BPI: variants seen among roughly 807,000 people sequenced by gnomAD.
The protein encoded by BPI is bactericidal permeability-increasing protein.
In BPI, 48 loss-of-function variants were observed where a neutral mutation model predicts 57.6. That is an observed-to-expected ratio of 0.83 (90% CI 0.66 to 1.06). BPI has a LOEUF of 1.06. Among genes scored for constraint, BPI ranks in the 50% least tolerant of loss-of-function variants. The pLI is 0.00. For synonymous variants in BPI, 237 were observed against 238.2 expected, an observed-to-expected ratio of 0.99 and a Z score of 0.05; for missense variants, 651 against 609.7, an observed-to-expected ratio of 1.07 and a Z score of -0.71.
At chr20:38,324,645 T>G in intron 8 of BPI, 129 bp from the exon 9 acceptor site, 1 of 751,862 alleles carries the variant, frequency 1.3e-6, no homozygotes, top group Non-Finnish European at 2.3e-6. Context: ...GGGTCAGTGC[T>G]CTGTTGTCAC....
chr20:38,330,943 A>G (rs1600713382), intron 11 of BPI, 105 bp from the exon 12 acceptor site: 1 of 1,366,752 alleles, frequency 7.3e-7, no homozygotes. Context: ...ACTGGGTGGG[A>G]AAACCAGACA....
chr20:38,335,541 C>A (rs1329638088), intron 13 of BPI, 57 bp from the exon 14 acceptor site: 5 of 1,524,964 alleles, frequency 3.3e-6, no homozygotes, highest in Non-Finnish European at 4.5e-6. Context: ...GGCCCTCCCT[C>A]CTCCCCTGCC....
chr20:38,312,408 G>C (rs6064376), intron 5 of BPI, among the ~76,000 whole-genome samples: 1 of 152,084 alleles, frequency 6.6e-6, no homozygotes, highest in Non-Finnish European at 1.5e-5. Context: ...TACAAGAGAC[G>C]GGTATCAGCC....
rs1208888947 is a variant in BPI, at chr20:38,337,244, C to T, written c.*60C>T. On this transcript the variant is annotated 3_prime_UTR_variant, in exon 15 of 15. Coordinates refer to ENST00000642449, the MANE Select transcript of BPI (RefSeq NM_001725.3). ...CTGTTCCTGATGGGCTGTGGGGCAC[C>T]GGCTGCCTTTCCCCAGGGAATCCTC... 1.0e-5 allele frequency: 15 copies of T among 1,445,030 alleles called. No individual in the cohort carries two copies. The highest frequency in any genetic ancestry group is 1.8e-4 in the Middle Eastern group (1 of 5,584). The allele number at this position is 1,445,030 out of a possible 1,614,324, so 89.5% of individuals were successfully genotyped here. A position where few individuals can be genotyped will look rare whatever the true frequency, so the allele number is the denominator to read the frequency against.
chr20:38,336,992 G>A (rs573385566), intron 14 of BPI, among the ~76,000 whole-genome samples, 154 bp from the exon 15 acceptor site: 8 of 91,206 alleles, frequency 8.8e-5, no homozygotes, highest in Middle Eastern at 5.6e-3. Context: ...GTGTAGATCC[G>A]GGCAGCGAAA....
chr20:38,327,705 T>C, intron 11 of BPI, 50 bp downstream of exon 11: 2 of 1,590,150 alleles, frequency 1.3e-6, no homozygotes, highest in Non-Finnish European at 1.7e-6. Context: ...GTCCTTGGTG[T>C]CTGTGGGATG....
In BPI at chr20:38,335,578, A is replaced by G. The variant is rs573816324; in HGVS notation, c.1337-20A>G. ...TTCTCTTTCTTTTCTCCTGGTCCTC[A>G]CCATCGGTCTCTGTCACAGAGAAAC... On this transcript the variant is annotated intron_variant, in intron 13 of 14. Coordinates refer to ENST00000642449, the MANE Select transcript of BPI (RefSeq NM_001725.3). The G allele has an allele frequency of 8.1e-6, 13 of 1,609,030 alleles. No homozygotes were observed. In the South Asian group the frequency reaches 1.4e-4, roughly 18 times the overall value.
chr20:38,308,575 T>G (rs2076607299), intron 2 of BPI, among the ~76,000 whole-genome samples: 1 of 152,188 alleles, frequency 6.6e-6, no homozygotes, highest in South Asian at 2.1e-4. Context: ...GAGCTTCCAG[T>G]GAAAGGGCCT....
chr20:38,304,465 C>A (rs1392115346), intron 1 of BPI, 112 bp downstream of exon 1: 2 of 1,408,708 alleles, frequency 1.4e-6, no homozygotes, highest in South Asian at 1.3e-5. Flanking sequence ...CACCTCAGGG[C>A]AGGTCCCCTT....
intron 2 of BPI, among the ~76,000 whole-genome samples, chr20:38,308,315 G>T (rs1342321924): frequency 6.6e-6 from 1 of 152,210 alleles, no homozygotes; most frequent in Non-Finnish European, 1.5e-5. Context: ...CCCCGAAGAT[G>T]GACGTGAGGT....
At chr20:38,320,327 C>T (rs2076674905) in intron 7 of BPI, 53 bp downstream of exon 7, 1 of 1,510,386 alleles carries the variant, frequency 6.6e-7, no homozygotes, top group Non-Finnish European at 9.1e-7. Flanking sequence ...TCAGACACTC[C>T]AGGGCTCCCC....
chr20:38,324,736 A>T lies in BPI; in HGVS notation c.934-38A>T, dbSNP rs5743518. ...TCACCCCCTCTGCTCCGTCTGTAACAGCATCCTCCGAGATCCTTTTCTCAT... is the reference window on the plus strand; with the variant it reads ...TCACCCCCTCTGCTCCGTCTGTAACTGCATCCTCCGAGATCCTTTTCTCAT... On this transcript the variant is annotated intron_variant, in intron 8 of 14. Coordinates refer to ENST00000642449, the MANE Select transcript of BPI (RefSeq NM_001725.3). 2.4e-3 allele frequency: 3,766 copies of T among 1,554,080 alleles called. 79 individuals are homozygous for T. In the African/African-American group the frequency reaches 0.047, roughly 19 times the overall value.
At chr20:38,334,613 T>G (rs1475763369) in intron 13 of BPI, 120 bp downstream of exon 13, 1 of 997,364 alleles carries the variant, frequency 1.0e-6, no homozygotes. Flanking sequence ...TGATGTCAAG[T>G]GAACTTCAAA....
chr20:38,337,306 C>T lies in BPI; in HGVS notation c.*122C>T, dbSNP rs933929145. The T allele has an allele frequency of 7.3e-5, 57 of 783,586 alleles. No individual in the cohort carries two copies. The African/African-American group carries it at 8.4e-4, about 12-fold the overall frequency. 48.5% of individuals were successfully genotyped at this position (783,586 alleles called of 1,614,324 possible). A position where few individuals can be genotyped will look rare whatever the true frequency, so the allele number is the denominator to read the frequency against. On this transcript the variant is annotated 3_prime_UTR_variant, in exon 15 of 15. Coordinates refer to ENST00000642449, the MANE Select transcript of BPI (RefSeq NM_001725.3). ...ACCAAGAGCCCCTTGCAAACTTCTTCGACTCAGATTCAGAAATGATCTAAA... is the reference window on the plus strand; with the variant it reads ...ACCAAGAGCCCCTTGCAAACTTCTTTGACTCAGATTCAGAAATGATCTAAA...
At chr20:38,314,926 A>T (rs1362687804) in intron 5 of BPI, among the ~76,000 whole-genome samples, 3 of 150,850 alleles carry the variant, frequency 2.0e-5, no homozygotes, top group Non-Finnish European at 4.4e-5. Context: ...TGGTAAGTAT[A>T]CACCGATTTA....
intron 11 of BPI, among the ~76,000 whole-genome samples, chr20:38,329,944 T>C (rs2076734221): frequency 6.6e-6 from 1 of 152,144 alleles, no homozygotes; most frequent in Admixed American, 6.5e-5. Context: ...ACTCCTGACT[T>C]CAAGTGATCT....
At chr20:38,327,513 AC>A in intron 10 of BPI, 74 bp from the exon 11 acceptor site, 1 of 1,540,634 alleles carries the variant, frequency 6.5e-7, no homozygotes, top group Non-Finnish European at 8.9e-7. Flanking sequence ...TGTGAAGCTG[AC>A]CCTTCTTGGT....
intron 5 of BPI, chr20:38,317,569 C>T (rs930689585): frequency 2.9e-6 from 2 of 699,364 alleles, no homozygotes; most frequent in African/African-American, 3.5e-5. Context: ...TTCTGCACAG[C>T]CTTTTATGAC....
In BPI at chr20:38,324,046, G is replaced by C. The variant is rs1372059782; in HGVS notation, c.933G>C (p.Met311Ile). Residue 311 changes from methionine (M) to isoleucine (I), a missense_variant and splice_region_variant, in exon 8 of 15, where the codon ATG becomes ATC. Coordinates refer to ENST00000642449, the MANE Select transcript of BPI (RefSeq NM_001725.3). The part of the protein sequence containing the change: ...GVLKMTLRDD[M>I]IPKESKFRLT... Reference sequence around the variant, plus strand: ...TGAAGATGACCCTTAGAGATGACATGGTAAGGCCGGGCTCTGGGTGGGTGT... The same window carrying C: ...TGAAGATGACCCTTAGAGATGACATCGTAAGGCCGGGCTCTGGGTGGGTGT... The C allele has an allele frequency of 2.5e-6, 4 of 1,613,308 alleles. No individual in the cohort carries two copies. Among genetic ancestry groups the C allele is most frequent in the African/African-American group, 1.3e-5 (1 of 74,896 alleles).
Sources: allele counts gnomAD v4.1 joint callset (sites outside exome capture counted in the v4.1 genomes callset), GRCh38; gene constraint gnomAD v4.1.1; transcripts MANE v1.5; gene names NCBI Gene and HGNC (gene_info 2026-07-23, HGNC 2026-07-21).